SIRPD: variants seen among roughly 807,000 people sequenced by gnomAD.
SIRPD encodes signal regulatory protein delta.
SIRPD carries 21 observed loss-of-function variants against 18.0 expected under a neutral mutation model. The ratio of observed to expected loss-of-function variants is 1.17; its 90% CI spans 0.83 to 1.68. The LOEUF is 1.68. Ranked by LOEUF, SIRPD falls within the 40% of genes most tolerant of loss-of-function variation. The pLI, the probability that SIRPD is intolerant of heterozygous loss-of-function variation, is 0.00. For synonymous variants in SIRPD, 106 were observed against 92.9 expected (o/e 1.14, Z -0.81); for missense variants, 295 against 238.4 (o/e 1.24, Z -1.56).
chr20:1,538,174 G>T (rs2090955689), intron 2 of SIRPD, among the ~76,000 whole-genome samples: 1 of 152,116 alleles, frequency 6.6e-6, no homozygotes. Flanking sequence ...TTTCCCCACT[G>T]CTCCCCACCC....
chr20:1,555,149 GC>G (rs1293968675), intron 1 of SIRPD, among the ~76,000 whole-genome samples: 2 of 152,070 alleles, frequency 1.3e-5, no homozygotes, highest in East Asian at 3.8e-4. Flanking sequence ...ATACTATTTA[GC>G]TTTTGAAAAT....
chr20:1,534,326 A>T lies in SIRPD; in HGVS notation c.*99T>A. 1 of 1,531,552 alleles carries T rather than the reference A, an allele frequency of 6.5e-7. No individual in the cohort carries two copies. Among genetic ancestry groups the T allele is most frequent in the Non-Finnish European group, 8.9e-7 (1 of 1,120,562 alleles). 94.9% of individuals were successfully genotyped at this position (1,531,552 alleles called of 1,614,324 possible). On this transcript the variant is annotated 3_prime_UTR_variant, in exon 4 of 4. Coordinates refer to ENST00000381623, the MANE Select transcript of SIRPD (RefSeq NM_178460.3). The stretch of plus-strand genomic sequence containing the variant: ...ATGTCAGTGGAAGAAAGCTCTCTTG[A>T]AGAAGGCAAATGAAACTCCTAAAAA...
intron 3 of SIRPD, among the ~76,000 whole-genome samples, chr20:1,536,589 T>C (rs1281993383): frequency 6.6e-6 from 1 of 152,138 alleles, no homozygotes; most frequent in Non-Finnish European, 1.5e-5. Flanking sequence ...GTTTCTGAGA[T>C]TCTGGGAGAC....
Position 1,551,798 on chromosome 20 carries a change from C to A in SIRPD, c.314G>T (p.Arg105Leu). 3 of 1,614,054 alleles carry A rather than the reference C, an allele frequency of 1.9e-6. No homozygotes were observed. The highest frequency in any genetic ancestry group is 2.5e-6 in the Non-Finnish European group (3 of 1,179,960). ...PGNTDFSTRIREISLADAGTY... is the reference protein window; with the variant it reads ...PGNTDFSTRILEISLADAGTY... ...GCCAGCATCAGCAAGAGAGATTTCA[C>A]GGATGCGGGTGGAAAAGTCTGTGTT... The change falls in exon 2 of 4, where the codon CGT becomes CTT. Residue 105 changes from arginine to leucine, a missense_variant. Transcript: ENST00000381623.
intron 1 of SIRPD, among the ~76,000 whole-genome samples, chr20:1,555,233 C>T (rs1048693800): frequency 7.9e-5 from 12 of 152,212 alleles, no homozygotes; most frequent in African/African-American, 2.9e-4. Context: ...AGACAAATAC[C>T]ACATGATCTT....
intron 2 of SIRPD, among the ~76,000 whole-genome samples, chr20:1,537,644 T>C (rs569984253): frequency 6.6e-6 from 1 of 152,248 alleles, no homozygotes; most frequent in East Asian, 1.9e-4. Context: ...AGATGAGCTG[T>C]GCAGCTAGTC....
At chr20:1,550,653 G>A (rs1178561308) in intron 2 of SIRPD, among the ~76,000 whole-genome samples, 1 of 152,112 alleles carries the variant, frequency 6.6e-6, no homozygotes, top group Non-Finnish European at 1.5e-5. Flanking sequence ...TGAAATTAAT[G>A]CATTTGATCT....
At chr20:1,535,844 T>C (rs1034342563) in intron 3 of SIRPD, among the ~76,000 whole-genome samples, 3 of 152,262 alleles carry the variant, frequency 2.0e-5, no homozygotes, top group African/African-American at 7.2e-5. Context: ...GCAATTTTGT[T>C]GTGATACTGA....
chr20:1,554,712 T>C (rs1472323715), intron 1 of SIRPD, among the ~76,000 whole-genome samples: 2 of 152,114 alleles, frequency 1.3e-5, no homozygotes, highest in Non-Finnish European at 2.9e-5. Flanking sequence ...GTGACCTGCA[T>C]ATGGAGGCAG....
intron 1 of SIRPD, among the ~76,000 whole-genome samples, chr20:1,556,861 C>T (rs2091043419): frequency 6.6e-6 from 1 of 152,228 alleles, no homozygotes; most frequent in South Asian, 2.1e-4. Flanking sequence ...AAATTAATTT[C>T]TGTAATTTAA....
chr20:1,542,126 G>GT (rs1568666871), intron 2 of SIRPD, among the ~76,000 whole-genome samples: 1 of 152,036 alleles, frequency 6.6e-6, no homozygotes, highest in Non-Finnish European at 1.5e-5. Context: ...TATACGAGCT[G>GT]TTTTTTGGTT....
chr20:1,536,370 T>C (rs1184949702), intron 3 of SIRPD, among the ~76,000 whole-genome samples: 1 of 150,384 alleles, frequency 6.6e-6, no homozygotes, highest in Non-Finnish European at 1.5e-5. Flanking sequence ...AGCCTACAAA[T>C]GATGAAACTT....
At chr20:1,534,558 T>C in intron 3 of SIRPD, 117 bp from the exon 4 acceptor site, 1 of 1,103,628 alleles carries the variant, frequency 9.1e-7, no homozygotes, top group Non-Finnish European at 1.3e-6. Context: ...CAATTTTCTG[T>C]GTTGCTAAGG....
chr20:1,542,269 A>G (rs2090975429), intron 2 of SIRPD, among the ~76,000 whole-genome samples: 1 of 152,200 alleles, frequency 6.6e-6, no homozygotes, highest in South Asian at 2.1e-4. Context: ...ATTCCTATCC[A>G]TGAGAGTGGA....
chr20:1,544,182 A>G (rs2090983513), intron 2 of SIRPD, among the ~76,000 whole-genome samples: 1 of 152,160 alleles, frequency 6.6e-6, no homozygotes, highest in Admixed American at 6.5e-5. Flanking sequence ...TTTCTGTCTC[A>G]TTGATGTATC....
chr20:1,545,872 C>T (rs997598650), intron 2 of SIRPD, among the ~76,000 whole-genome samples: 1 of 152,172 alleles, frequency 6.6e-6, no homozygotes, highest in Non-Finnish European at 1.5e-5. Context: ...GACAGTCAGG[C>T]CACTCTTCTG....
Position 1,553,431 on chromosome 20 carries a change from C to G in SIRPD, c.74-1393G>C, listed in dbSNP as rs115450599. 4.8e-3 allele frequency among the ~76,000 whole-genome samples: 735 copies of G among 152,250 alleles called. 5 individuals are homozygous for G. Among genetic ancestry groups the G allele is most frequent in the African/African-American group, 0.017 (693 of 41,558 alleles). On this transcript the variant is annotated intron_variant, in intron 1 of 3. Coordinates refer to ENST00000381623, the MANE Select transcript of SIRPD (RefSeq NM_178460.3). ...GCCCTTTGTTTTGGCCCAGGAGATA[C>G]TGGGCATTTTGGGGAAAACTTCACC...
chr20:1,549,626 G>A (rs1432173584), intron 2 of SIRPD, among the ~76,000 whole-genome samples: 1 of 151,896 alleles, frequency 6.6e-6, no homozygotes, highest in Non-Finnish European at 1.5e-5. Context: ...GTGGGTTTTG[G>A]TTCAAATATC....
chr20:1,535,482 G>T (rs905107425), intron 3 of SIRPD, among the ~76,000 whole-genome samples: 8 of 152,056 alleles, frequency 5.3e-5, no homozygotes, highest in African/African-American at 1.9e-4. Flanking sequence ...GGGTTATCAT[G>T]GGAGGGGAAC....
Sources: gnomAD v4.1 joint callset for allele counts (sites outside exome capture counted in the v4.1 genomes callset) on GRCh38, gnomAD v4.1.1 for gene constraint, MANE v1.5 for transcripts, NCBI Gene and HGNC (gene_info 2026-07-23, HGNC 2026-07-21) for gene names.